Variants in DCC observed in about 807,000 individuals in gnomAD.
The protein encoded by DCC is netrin receptor DCC.
DCC carries 58 observed loss-of-function variants against 172.5 expected under a neutral mutation model. The observed-to-expected ratio is 0.34, with a 90% CI of 0.27 to 0.42. The LOEUF (loss-of-function observed/expected upper bound fraction) is 0.42, where lower values mean the gene tolerates loss of function less well. Among genes scored for constraint, DCC ranks in the 10% least tolerant of loss-of-function variants. DCC has a pLI of 1.00. For synonymous variants in DCC, 709 were observed against 644.5 expected (o/e 1.10, Z -1.52); for missense variants, 1,740 against 1,791.0 (o/e 0.97, Z 0.51).
chr18:53,247,139 T>G (rs1437854801), intron 12 of DCC, among the ~76,000 whole-genome samples: 1 of 152,076 alleles, frequency 6.6e-6, no homozygotes, highest in Non-Finnish European at 1.5e-5. Flanking sequence ...AGTTTGGACT[T>G]GGAAGAGGAC....
chr18:52,677,321 CA>C (rs2035662144), intron 1 of DCC, among the ~76,000 whole-genome samples: 1 of 151,696 alleles, frequency 6.6e-6, no homozygotes, highest in Admixed American at 6.6e-5. Flanking sequence ...GCATACATTA[CA>C]AAAAAAGAGA....
At chr18:52,814,176 G>T (rs181323464) in intron 2 of DCC, among the ~76,000 whole-genome samples, 4 of 152,302 alleles carry the variant, frequency 2.6e-5, no homozygotes, top group African/African-American at 9.6e-5. Context: ...GCAGTGCAGG[G>T]ATCCTGCCTG....
rs142225989 is a variant in DCC at position 53,339,916 on chromosome 18, CTG to C, written c.2359+12_2359+13del. 8,041 of 1,610,484 alleles carry C rather than the reference CTG, an allele frequency of 5.0e-3. 370 individuals carry two copies. The African/African-American group carries it at 0.093, about 19-fold the overall frequency. ...TTCCATTGAGAGGTTAGGTGAGTAT[CTG>C]TGATTTTTTTTATTCTATTAAGGGG... On this transcript the variant is annotated intron_variant, in intron 15 of 28. Transcript: ENST00000442544.
At chr18:53,147,552 A>C (rs1487901874) in intron 7 of DCC, among the ~76,000 whole-genome samples, 2 of 152,118 alleles carry the variant, frequency 1.3e-5, no homozygotes, top group African/African-American at 2.4e-5. Flanking sequence ...TGGCTATAAA[A>C]TTTAGGGATG....
chr18:52,844,498 C>A (rs11878144), intron 2 of DCC, among the ~76,000 whole-genome samples: 4,070 of 152,180 alleles, frequency 0.027, 163 homozygotes, highest in African/African-American at 0.09. Flanking sequence ...CCAGTATTAC[C>A]ATGTGTTAAA....
chr18:53,519,551 C>A (rs1474053997), intron 27 of DCC, among the ~76,000 whole-genome samples: 2 of 150,250 alleles, frequency 1.3e-5, no homozygotes, highest in Non-Finnish European at 3.0e-5. Context: ...TTCTTAACCA[C>A]ATTTTGAAAA....
At chr18:53,240,663 G>T (rs571525340) in intron 12 of DCC, among the ~76,000 whole-genome samples, 13 of 152,122 alleles carry the variant, frequency 8.5e-5, no homozygotes, top group African/African-American at 3.1e-4. Flanking sequence ...CTAATACTAG[G>T]TTCCAACTCT....
intron 1 of DCC, among the ~76,000 whole-genome samples, chr18:52,372,750 G>A (rs1330724570): frequency 6.6e-6 from 1 of 152,072 alleles, no homozygotes; most frequent in Non-Finnish European, 1.5e-5. Context: ...AGATATCAAA[G>A]TATTTTGACG....
chr18:52,684,182 T>G (rs912609907), intron 1 of DCC, among the ~76,000 whole-genome samples: 1 of 152,110 alleles, frequency 6.6e-6, no homozygotes, highest in Non-Finnish European at 1.5e-5. Flanking sequence ...TTATTCACTT[T>G]GTGGTGAGGT....
intron 1 of DCC, among the ~76,000 whole-genome samples, chr18:52,522,420 A>G (rs562239403): frequency 1.1e-4 from 16 of 152,250 alleles, no homozygotes; most frequent in Non-Finnish European, 1.9e-4. Context: ...CAAATTCTCA[A>G]TGAGACCCCC....
intron 7 of DCC, among the ~76,000 whole-genome samples, chr18:53,091,124 G>T (rs1026621067): frequency 6.6e-6 from 1 of 151,890 alleles, no homozygotes; most frequent in African/African-American, 2.4e-5. Flanking sequence ...ACAGAAAACG[G>T]CTATCTTAGA....
At chr18:53,300,965 CTT>C (rs1555649194) in intron 12 of DCC, among the ~76,000 whole-genome samples, 1 of 123,014 alleles carries the variant, frequency 8.1e-6, no homozygotes. Flanking sequence ...TGGATTCATT[CTT>C]TCTTTCTTTC....
At chr18:52,918,982 G>A (rs1204838356) in intron 3 of DCC, among the ~76,000 whole-genome samples, 4 of 152,244 alleles carry the variant, frequency 2.6e-5, no homozygotes, top group Non-Finnish European at 5.9e-5. Flanking sequence ...TAGTTTATAT[G>A]AACAGTTTCT....
intron 2 of DCC, among the ~76,000 whole-genome samples, chr18:52,844,922 C>T (rs2038861705): frequency 1.3e-5 from 2 of 152,272 alleles, no homozygotes; most frequent in South Asian, 4.1e-4. Flanking sequence ...TCAGTATAGT[C>T]CATGAAACAA....
chr18:52,809,044 ACAGT>A (rs1333345690), intron 2 of DCC, among the ~76,000 whole-genome samples: 1 of 152,192 alleles, frequency 6.6e-6, no homozygotes, highest in Admixed American at 6.5e-5. Flanking sequence ...CATATGCCAA[ACAGT>A]CAGTAATTGC....
intron 8 of DCC, among the ~76,000 whole-genome samples, chr18:53,173,309 C>A (rs2055041045): frequency 1.3e-5 from 2 of 152,130 alleles, no homozygotes. Flanking sequence ...TACTGCACTT[C>A]TAAAAGAATG....
chr18:53,127,346 A>C (rs2144307330), intron 7 of DCC, among the ~76,000 whole-genome samples: 1 of 152,068 alleles, frequency 6.6e-6, no homozygotes, highest in African/African-American at 2.4e-5. Context: ...TTATTCGGAT[A>C]GAGCTTCCGA....
At chr18:52,933,743 G>C (rs2040342656) in intron 5 of DCC, among the ~76,000 whole-genome samples, 1 of 152,018 alleles carries the variant, frequency 6.6e-6, no homozygotes, top group African/African-American at 2.4e-5. Context: ...CATATTTGTA[G>C]AGCTTTAGGA....
rs1032254044 is a variant in DCC at position 52,790,145 on chromosome 18, T to C, written c.412+37771T>C. On this transcript the variant is annotated intron_variant, in intron 2 of 28. Coordinates refer to ENST00000442544, the MANE Select transcript of DCC (RefSeq NM_005215.4). Reference sequence around the variant, plus strand: ...TGTAAAATGGTGGAGACTAAAAGTATTGCCACGTGGTTACAGGTATTGCTC... The same window carrying C: ...TGTAAAATGGTGGAGACTAAAAGTACTGCCACGTGGTTACAGGTATTGCTC... Among the ~76,000 whole-genome samples, 5 of 152,242 alleles carry C rather than the reference T, an allele frequency of 3.3e-5. No homozygotes were observed. In the South Asian group the frequency reaches 1.0e-3, roughly 32 times the overall value.
Sources: gnomAD v4.1 joint callset for allele counts (sites outside exome capture counted in the v4.1 genomes callset) on GRCh38, gnomAD v4.1.1 for gene constraint, MANE v1.5 for transcripts, NCBI Gene and HGNC (gene_info 2026-07-23, HGNC 2026-07-21) for gene names.